The following ADAMTSL1 variants were observed in gnomAD, a reference collection of about 807,000 sequenced individuals.
The protein encoded by ADAMTSL1 is ADAMTS like 1.
In ADAMTSL1, 126 loss-of-function variants were observed where a neutral mutation model predicts 201.8. The ratio of observed to expected loss-of-function variants is 0.62; its 90% CI spans 0.54 to 0.72. The LOEUF is 0.72. Among genes scored for constraint, ADAMTSL1 ranks in the 30% least tolerant of loss-of-function variants. The pLI, the probability that ADAMTSL1 is intolerant of heterozygous loss-of-function variation, is 0.00. For missense variants in ADAMTSL1, 2,679 were observed against 2,277.8 expected (o/e 1.18, Z -3.59); for synonymous variants, 1,121 against 903.4 (o/e 1.24, Z -4.32).
At chr9:18,771,025 G>A (rs1277122552) in intron 17 of ADAMTSL1, among the ~76,000 whole-genome samples, 1 of 152,152 alleles carries the variant, frequency 6.6e-6, no homozygotes, top group Admixed American at 6.5e-5. Flanking sequence ...GCTCCTCGTG[G>A]AACAAAACCA....
At chr9:18,820,337 C>T (rs1824133341) in intron 21 of ADAMTSL1, among the ~76,000 whole-genome samples, 1 of 152,028 alleles carries the variant, frequency 6.6e-6, no homozygotes, top group Non-Finnish European at 1.5e-5. Flanking sequence ...AATGATAATA[C>T]AATGTGATAT....
chr9:18,681,768 A>T (rs759293431), intron 11 of ADAMTSL1, 44 bp from the exon 12 acceptor site: 7 of 1,480,470 alleles, frequency 4.7e-6, no homozygotes, highest in Non-Finnish European at 5.4e-6. Context: ...AAAGTAAACA[A>T]GGCTTTGCCT....
rs754169379 is a variant in ADAMTSL1, at chr9:18,889,589, G to C, written c.4484G>C (p.Arg1495Thr). 2 of 1,613,854 alleles carry C rather than the reference G, an allele frequency of 1.2e-6. No homozygotes were observed. Among genetic ancestry groups the C allele is most frequent in the East Asian group, 2.2e-5 (1 of 44,852 alleles). Residue 1495 changes from arginine (R) to threonine (T), a missense_variant, in exon 25 of 29, where the codon AGA becomes ACA. By Grantham distance (71) the Arg-to-Thr change is moderately conservative. Coordinates refer to ENST00000380548, the MANE Select transcript of ADAMTSL1 (RefSeq NM_001040272.6). ...ACAGATTACTGGTGGTCTGTGGACA[G>C]ACTGGCAACCTGCTCAGCCTCCTGT... ...VIQDYWWSVDRLATCSASCGN... is the reference protein window; with the variant it reads ...VIQDYWWSVDTLATCSASCGN...
chr9:18,879,368 A>C (rs1476218430), intron 23 of ADAMTSL1, among the ~76,000 whole-genome samples: 1 of 152,228 alleles, frequency 6.6e-6, no homozygotes, highest in Non-Finnish European at 1.5e-5. Context: ...TAACCTTCAC[A>C]GTAACAACAC....
intron 1 of ADAMTSL1, among the ~76,000 whole-genome samples, chr9:18,487,990 C>T (rs898604937): frequency 3.9e-5 from 6 of 152,012 alleles, no homozygotes; most frequent in Non-Finnish European, 5.9e-5. Flanking sequence ...TAAAAGGGTT[C>T]GTAATGGCAT....
At chr9:18,760,696 A>C (rs978707286) in intron 16 of ADAMTSL1, among the ~76,000 whole-genome samples, 17 of 152,172 alleles carry the variant, frequency 1.1e-4, no homozygotes, top group African/African-American at 3.9e-4. Flanking sequence ...TCCTAATCTA[A>C]TGTCTCAGAA....
At chr9:18,028,095 G>T (rs190013479) in intron 1 of ADAMTSL1, among the ~76,000 whole-genome samples, 1 of 152,006 alleles carries the variant, frequency 6.6e-6, no homozygotes, top group Non-Finnish European at 1.5e-5. Context: ...GAGCCTATGG[G>T]TGTCAATGCA....
intron 5 of ADAMTSL1, among the ~76,000 whole-genome samples, chr9:18,631,025 C>A (rs10963683): frequency 2.2e-4 from 33 of 152,150 alleles, no homozygotes; most frequent in Admixed American, 1.8e-3. Context: ...GTGTAGGCAA[C>A]GGTATCTATG....
chr9:18,647,257 A>G (rs201983919), intron 7 of ADAMTSL1, among the ~76,000 whole-genome samples: 86 of 151,572 alleles, frequency 5.7e-4, no homozygotes, highest in African/African-American at 1.9e-3. Context: ...TTTTTATTGC[A>G]TCTATTTGAT....
chr9:18,438,112 C>G (rs962973321), intron 2 of ADAMTSL1, among the ~76,000 whole-genome samples: 1 of 151,850 alleles, frequency 6.6e-6, no homozygotes, highest in African/African-American at 2.4e-5. Flanking sequence ...CTGCATCAGG[C>G]CAGATAACAT....
chr9:18,057,996 G>T (rs77608341), intron 1 of ADAMTSL1, among the ~76,000 whole-genome samples: 1 of 152,204 alleles, frequency 6.6e-6, no homozygotes, highest in African/African-American at 2.4e-5. Flanking sequence ...TAGGCTATAA[G>T]TCAGCAGGGA....
At chr9:18,769,748 G>A (rs1438546904) in intron 16 of ADAMTSL1, among the ~76,000 whole-genome samples, 4 of 152,072 alleles carry the variant, frequency 2.6e-5, no homozygotes, top group South Asian at 2.1e-4. Flanking sequence ...ATATCCCATC[G>A]GCCAGCATCA....
intron 26 of ADAMTSL1, 62 bp downstream of exon 26, chr9:18,892,658 T>C (rs980432117): frequency 2.0e-6 from 3 of 1,511,422 alleles, no homozygotes; most frequent in African/African-American, 2.8e-5. Flanking sequence ...CCTGCCACAG[T>C]AGGAAGTGAA....
intron 1 of ADAMTSL1, among the ~76,000 whole-genome samples, chr9:17,919,408 A>T (rs185419901): frequency 3.7e-4 from 56 of 152,168 alleles, no homozygotes; most frequent in Admixed American, 1.7e-3. Flanking sequence ...ACATTAAACC[A>T]TCATCACAGT....
intron 23 of ADAMTSL1, among the ~76,000 whole-genome samples, chr9:18,870,655 A>G (rs917440859): frequency 1.3e-5 from 2 of 152,060 alleles, no homozygotes; most frequent in Non-Finnish European, 2.9e-5. Flanking sequence ...CAGCTCCTTA[A>G]GCCATTTTCA....
At chr9:18,661,854 T>C (rs1829113261) in intron 8 of ADAMTSL1, 81 bp from the exon 9 acceptor site, 3 of 1,414,000 alleles carry the variant, frequency 2.1e-6, no homozygotes, top group Admixed American at 2.4e-5. Context: ...TTTCCATTGA[T>C]GTGAGCTGGC....
chr9:18,156,103 G>A (rs1478866638), intron 1 of ADAMTSL1, among the ~76,000 whole-genome samples: 1 of 151,976 alleles, frequency 6.6e-6, no homozygotes, highest in Non-Finnish European at 1.5e-5. Context: ...TCCTCAGAGA[G>A]CTCTGCCTTT....
intron 2 of ADAMTSL1, among the ~76,000 whole-genome samples, chr9:18,521,715 G>C (rs1232839578): frequency 2.0e-5 from 3 of 151,930 alleles, no homozygotes; most frequent in Non-Finnish European, 4.4e-5. Context: ...ACATAAACAA[G>C]TTTCATTGTA....
chr9:18,897,054 G>C (rs1196334290), intron 26 of ADAMTSL1, among the ~76,000 whole-genome samples: 6 of 152,228 alleles, frequency 3.9e-5, no homozygotes, highest in Non-Finnish European at 7.3e-5. Context: ...TAGCCTGCCA[G>C]TTCCAGTGAG....
Sources: allele counts gnomAD v4.1 joint callset (sites outside exome capture counted in the v4.1 genomes callset), GRCh38; gene constraint gnomAD v4.1.1; transcripts MANE v1.5; gene names NCBI Gene and HGNC (gene_info 2026-07-23, HGNC 2026-07-21).